Variants in FGFRL1 observed in about 807,000 individuals in gnomAD.
FGFRL1 encodes the protein fibroblast growth factor receptor-like 1.
Under a neutral mutation model 36.8 loss-of-function variants are expected in FGFRL1, and 24 were observed. The ratio of observed to expected loss-of-function variants is 0.65; its 90% CI spans 0.47 to 0.92. The LOEUF (loss-of-function observed/expected upper bound fraction) is 0.92, where lower values mean the gene tolerates loss of function less well. Ranked by LOEUF, FGFRL1 falls within the 40% of genes least tolerant of loss-of-function variation. FGFRL1 has a pLI of 0.00. For missense variants in FGFRL1, 785 were observed against 753.4 expected (o/e 1.04, Z -0.49); for synonymous variants, 422 against 344.1 (o/e 1.23, Z -2.50).
chr4:1,014,306 T>C (rs1715769845), intron 2 of FGFRL1, among the ~76,000 whole-genome samples: 1 of 152,238 alleles, frequency 6.6e-6, no homozygotes, highest in Non-Finnish European at 1.5e-5. Flanking sequence ...AATATAGGAA[T>C]TGGCTTTCTC....
chr4:1,024,401 T>C lies in FGFRL1; in HGVS notation c.809T>C (p.Val270Ala), dbSNP rs2153027299. The C allele has an allele frequency of 6.2e-7, 1 of 1,612,506 alleles. No homozygotes were observed. The highest frequency in any genetic ancestry group is 8.5e-7 in the Non-Finnish European group (1 of 1,179,818). ...FGGTTSFQCKVRSDVKPVIQW... is the reference protein window; with the variant it reads ...FGGTTSFQCKARSDVKPVIQW... Reference sequence around the variant, plus strand: ...GGGACCACGTCCTTCCAGTGCAAGGTGCGCAGCGACGTGAAGCCGGTGATC... The same window carrying C: ...GGGACCACGTCCTTCCAGTGCAAGGCGCGCAGCGACGTGAAGCCGGTGATC... Residue 270 changes from valine (V) to alanine (A), a missense_variant, in exon 6 of 7, where the codon GTG (valine) becomes GCG (alanine). Coordinates refer to ENST00000510644, the MANE Select transcript of FGFRL1 (RefSeq NM_001004356.3).
chr4:1,019,838 G>A (rs1716079579), intron 2 of FGFRL1, among the ~76,000 whole-genome samples: 1 of 152,204 alleles, frequency 6.6e-6, no homozygotes, highest in Non-Finnish European at 1.5e-5. Flanking sequence ...TCTCAGAGAG[G>A]CCAAGGACTG....
In FGFRL1 at chr4:1,025,066, C is replaced by A; in HGVS notation, c.1234C>A (p.Pro412Thr). 1 of 1,609,770 alleles carries A rather than the reference C, an allele frequency of 6.2e-7. No homozygotes were observed. Among genetic ancestry groups the A allele is most frequent in the Non-Finnish European group, 8.5e-7 (1 of 1,178,444 alleles). Residue 412 changes from proline to threonine, a missense_variant, in exon 7 of 7, where the codon CCT (proline) becomes ACT (threonine). Physicochemically the swap from Pro to Thr is conservative, Grantham distance 38. Coordinates refer to ENST00000510644, the MANE Select transcript of FGFRL1 (RefSeq NM_001004356.3). ...QKKPCTPAPA[P>T]PLPGHRPPGT... is the part of the protein sequence containing the mutation. ...GAAGCCGTGCACCCCCGCGCCTGCC[C>A]CTCCCCTGCCTGGGCACCGCCCGCC...
rs1716480004 is a variant in FGFRL1, at chr4:1,025,639, G to GCACGCA, written c.*301_*306dup. ...GGGCACACAGATAAGCTGCCCAAAT[G>GCACGCA]CACGCACACGCACAGAGACATGCCA... On this transcript the variant is annotated 3_prime_UTR_variant, in exon 7 of 7. Coordinates refer to ENST00000510644, the MANE Select transcript of FGFRL1 (RefSeq NM_001004356.3). 7.8e-6 allele frequency: 4 copies of GCACGCA among 515,880 alleles called. 1 individual carries two copies. The South Asian group carries it at 9.7e-5, about 12-fold the overall frequency. The allele number at this position is 515,880 out of a possible 1,614,324, so 32.0% of individuals were successfully genotyped here.
chr4:1,023,666 C>T lies in FGFRL1; in HGVS notation c.378C>T (p.Ser126=), dbSNP rs371664807. 4.4e-6 allele frequency: 7 copies of T among 1,604,674 alleles called. No homozygotes were observed. The highest frequency in any genetic ancestry group is 4.0e-5 in the African/African-American group (3 of 74,764). The change falls in exon 4 of 7, where the codon AGC becomes AGT. Residue 126 remains serine, a synonymous_variant. Coordinates refer to ENST00000510644, the MANE Select transcript of FGFRL1 (RefSeq NM_001004356.3). The surrounding 1 kb of genome is among the most constrained non-coding windows in gnomAD (Gnocchi z 6.0). ...VLDDISPGKE[S]LGPDSSSGGQ... is the part of the protein sequence containing the mutation. ...ATGACATTAGCCCAGGGAAGGAGAG[C>T]CTGGGGCCCGACAGCTCCTCTGGGG...
At chr4:1,016,359 G>C (rs59194576) in intron 2 of FGFRL1, among the ~76,000 whole-genome samples, 4,769 of 152,186 alleles carry the variant, frequency 0.031, 230 homozygotes, top group African/African-American at 0.11. Flanking sequence ...GGTGGGGGTG[G>C]GGGCCACGTG....
chr4:1,024,711 GC>G, intron 6 of FGFRL1, 47 bp downstream of exon 6: 1 of 1,523,776 alleles, frequency 6.6e-7, no homozygotes. Context: ...GCCCGGACCC[GC>G]CCCCTGGGCC....
At chr4:1,017,950 C>T (rs573613514) in intron 2 of FGFRL1, among the ~76,000 whole-genome samples, 37 of 152,330 alleles carry the variant, frequency 2.4e-4, no homozygotes, top group Non-Finnish European at 2.6e-4. Flanking sequence ...CCTCGGGACA[C>T]CACGAGCACG....
intron 2 of FGFRL1, among the ~76,000 whole-genome samples, chr4:1,014,559 C>T (rs1715783757): frequency 6.6e-6 from 1 of 152,164 alleles, no homozygotes; most frequent in African/African-American, 2.4e-5. Flanking sequence ...GGTGCCTGTC[C>T]AGGGGTGCCC....
At position 1,012,522 on chromosome 4, in the gene FGFRL1, C is replaced by T. The variant is rs1364556985; in HGVS notation, c.37C>T (p.Pro13Ser). ...PSPLLLLLLP[P>S]LLLGAFPPAA... ...CCCCCTGTTGCTGCTCCTGCTGCCG[C>T]CGCTGCTGCTGGGGGCCTTCCCGCC... Residue 13 changes from proline to serine, a missense_variant, in exon 2 of 7, where the codon CCG becomes TCG. Pro to Ser is a moderately conservative substitution (Grantham distance 74). Transcript: ENST00000510644. 2 of 1,548,098 alleles carry T rather than the reference C, an allele frequency of 1.3e-6. No individual in the cohort carries two copies. The highest frequency in any genetic ancestry group is 1.4e-5 in the African/African-American group (1 of 70,574).
rs376462828 is a variant in FGFRL1 at position 1,025,728 on chromosome 4, GACAC to G, written c.*394_*397del. The G allele has an allele frequency of 2.6e-4, 69 of 269,124 alleles. No homozygotes were observed. The highest frequency in any genetic ancestry group is 3.8e-4 in the South Asian group (7 of 18,620). 16.7% of individuals were successfully genotyped at this position (269,124 alleles called of 1,614,324 possible). Reference sequence around the variant, plus strand: ...CACCCATGCGCAGATGTGCTGCCTGGACACACACACACACACGGATATGCTGTCT... The same window carrying G: ...CACCCATGCGCAGATGTGCTGCCTGGACACACACACACGGATATGCTGTCT... On this transcript the variant is annotated 3_prime_UTR_variant, in exon 7 of 7. Transcript: ENST00000510644.
Position 1,024,665 on chromosome 4 carries a change from G to A in FGFRL1, c.1072+1G>A, listed in dbSNP as rs1274267456. On this transcript the variant is annotated splice_donor_variant, in intron 6 of 6. Coordinates refer to ENST00000510644, the MANE Select transcript of FGFRL1 (RefSeq NM_001004356.3). LOFTEE classifies it high-confidence loss of function. ...AGCGCCTTCCTCACCGTGCTGCCAG[G>A]TGCGCGGCTGCCACGCCACGCCACA... The A allele has an allele frequency of 6.3e-7, 1 of 1,593,664 alleles. No individual in the cohort carries two copies. Among genetic ancestry groups the A allele is most frequent in the East Asian group, 2.2e-5 (1 of 44,506 alleles).
chr4:1,015,144 G>T (rs780183497), intron 2 of FGFRL1, among the ~76,000 whole-genome samples: 1 of 152,198 alleles, frequency 6.6e-6, no homozygotes, highest in African/African-American at 2.4e-5. Flanking sequence ...GACCCCGGCT[G>T]CTGCATGCTG....
In FGFRL1 at chr4:1,022,339, C is replaced by T. The variant is rs372553975; in HGVS notation, c.216C>T (p.Ser72=). The change falls in exon 3 of 7, where the codon AGC becomes AGT. Residue 72 remains serine (S), a synonymous_variant. Transcript: ENST00000510644. ...MWTKDGRTIH[S]GWSRFRVLPQ... Reference sequence around the variant, plus strand: ...CCAAGGATGGCCGCACCATCCACAGCGGCTGGAGCCGCTTCCGCGTGCTGC... The same window carrying T: ...CCAAGGATGGCCGCACCATCCACAGTGGCTGGAGCCGCTTCCGCGTGCTGC... The T allele has an allele frequency of 5.6e-5, 89 of 1,603,140 alleles. No homozygotes were observed. Among genetic ancestry groups the T allele is most frequent in the East Asian group, 9.0e-5 (4 of 44,356 alleles).
In FGFRL1 at chr4:1,022,221, A is replaced by G; in HGVS notation, c.98A>G (p.Asp33Gly). 6.5e-7 allele frequency: 1 copy of G among 1,542,262 alleles called. No homozygotes were observed. Among genetic ancestry groups the G allele is most frequent in the Non-Finnish European group, 8.8e-7 (1 of 1,140,648 alleles). ...CCCGCAGGCCCCCCAAAGATGGCGG[A>G]CAAGGTGGTCCCACGGCAGGTGGCC... ...AAARGPPKMADKVVPRQVARL... is the reference protein window; with the variant it reads ...AAARGPPKMAGKVVPRQVARL... The change falls in exon 3 of 7, where the codon GAC becomes GGC. Residue 33 changes from aspartate (D) to glycine (G), a missense_variant. By Grantham distance (94) the Asp-to-Gly change is moderately conservative. Coordinates refer to ENST00000510644, the MANE Select transcript of FGFRL1 (RefSeq NM_001004356.3).
At chr4:1,021,861 G>A (rs2153026736) in intron 2 of FGFRL1, among the ~76,000 whole-genome samples, 1 of 152,340 alleles carries the variant, frequency 6.6e-6, no homozygotes, top group Non-Finnish European at 1.5e-5. Flanking sequence ...TTGGTTGGTG[G>A]TTTTCGAGAG....
chr4:1,020,187 C>G (rs1410517295), intron 2 of FGFRL1, among the ~76,000 whole-genome samples: 2 of 152,234 alleles, frequency 1.3e-5, no homozygotes, highest in South Asian at 4.1e-4. Flanking sequence ...ACACGCGGCC[C>G]CAGGCCCCAT....
chr4:1,014,616 A>G (rs6814476), intron 2 of FGFRL1, among the ~76,000 whole-genome samples: 7,825 of 126,996 alleles, frequency 0.062, 242 homozygotes, highest in East Asian at 0.13. Context: ...TGTGGGGGCA[A>G]GAGTCTGAAG....
chr4:1,024,136 T>C (rs1577570287), intron 5 of FGFRL1, 35 bp downstream of exon 5: 9 of 1,337,000 alleles, frequency 6.7e-6, no homozygotes, highest in Non-Finnish European at 7.7e-6. Context: ...GGGCGGGGGG[T>C]GCTGGTGGGC....
Sources: gnomAD v4.1 joint callset for allele counts (sites outside exome capture counted in the v4.1 genomes callset) on GRCh38, gnomAD v4.1.1 for gene constraint, Gnocchi (gnomAD v3.1) non-coding constraint, MANE v1.5 for transcripts, NCBI Gene and HGNC (gene_info 2026-07-23, HGNC 2026-07-21) for gene names.